SDK1: variants seen among roughly 807,000 people sequenced by gnomAD.
SDK1 encodes sidekick cell adhesion molecule 1, also known as protein sidekick-1.
A neutral mutation model predicts 245.5 loss-of-function variants in SDK1; 157 were observed. That is an observed-to-expected ratio of 0.64 (90% confidence interval 0.56 to 0.73). SDK1 has a LOEUF of 0.73. Among genes scored for constraint, SDK1 ranks in the 30% least tolerant of loss-of-function variants. SDK1 has a pLI of 0.00. For synonymous variants in SDK1, 1,647 were observed against 1,278.5 expected (o/e 1.29, Z -6.15); for missense variants, 3,583 against 3,002.3 (o/e 1.19, Z -4.52).
At chr7:4,214,578 C>T (rs150392529) in intron 38 of SDK1, among the ~76,000 whole-genome samples, 150 of 152,272 alleles carry the variant, frequency 9.9e-4, no homozygotes, top group African/African-American at 3.3e-3. Flanking sequence ...GGCTGAGGGG[C>T]GGCCAGGATC....
intron 1 of SDK1, among the ~76,000 whole-genome samples, chr7:3,366,330 A>G (rs909860155): frequency 6.6e-5 from 10 of 151,108 alleles, no homozygotes; most frequent in South Asian, 2.1e-4. Context: ...GTAGTAGTCT[A>G]TGGTCTCTGG....
intron 13 of SDK1, among the ~76,000 whole-genome samples, chr7:3,975,910 AGGGTCCTCCAGAGAATCACTGAGGGTCC>A (rs1562604471): frequency 1.1e-4 from 17 of 147,966 alleles, no homozygotes; most frequent in African/African-American, 2.0e-4. Context: ...TGCCACGTAG[AGGGTCCTCCAGAGAATCACTGAGGGTCC>A]CGGGGCTGAG....
intron 1 of SDK1, among the ~76,000 whole-genome samples, chr7:3,571,950 C>T (rs923403018): frequency 1.3e-5 from 2 of 152,054 alleles, no homozygotes. Context: ...CCTTCTCTTA[C>T]CTAAGTTACT....
chr7:3,410,564 A>C (rs1341510332), intron 1 of SDK1, among the ~76,000 whole-genome samples: 1 of 147,100 alleles, frequency 6.8e-6, no homozygotes, highest in Admixed American at 6.7e-5. Context: ...CATAAGTGGC[A>C]GGTGAAATGA....
intron 21 of SDK1, among the ~76,000 whole-genome samples, chr7:4,079,147 A>G (rs552244083): frequency 1.3e-5 from 2 of 152,332 alleles, no homozygotes; most frequent in Non-Finnish European, 2.9e-5. Context: ...TCATTCAGCC[A>G]GCATCTGTTA....
chr7:3,676,032 C>G (rs1252652907), intron 4 of SDK1, among the ~76,000 whole-genome samples: 1 of 152,140 alleles, frequency 6.6e-6, no homozygotes, highest in Non-Finnish European at 1.5e-5. Flanking sequence ...GTGGCACTAT[C>G]ACGGCTGACT....
chr7:3,889,272 A>G (rs903128026), intron 5 of SDK1, among the ~76,000 whole-genome samples: 5 of 152,232 alleles, frequency 3.3e-5, no homozygotes, highest in Non-Finnish European at 7.3e-5. Flanking sequence ...AGGCACTCAC[A>G]TTGGTGAAGC....
chr7:3,822,624 C>T (rs1170628722), intron 5 of SDK1, among the ~76,000 whole-genome samples: 1 of 151,944 alleles, frequency 6.6e-6, no homozygotes, highest in Non-Finnish European at 1.5e-5. Context: ...GCAAAATTAG[C>T]AGGCATGGTG....
chr7:3,341,082 G>A (rs1780336784), intron 1 of SDK1, among the ~76,000 whole-genome samples: 1 of 152,094 alleles, frequency 6.6e-6, no homozygotes, highest in Non-Finnish European at 1.5e-5. Flanking sequence ...AAACTCCACA[G>A]TTCAGTATCG....
chr7:3,587,623 A>G (rs913439780), intron 1 of SDK1, among the ~76,000 whole-genome samples: 2 of 152,214 alleles, frequency 1.3e-5, no homozygotes, highest in African/African-American at 4.8e-5. Flanking sequence ...ATCCCTACCT[A>G]CATCGGGGAT....
chr7:4,178,435 GAGA>G (rs1562395213), intron 34 of SDK1, 47 bp from the exon 35 acceptor site: 2 of 1,363,138 alleles, frequency 1.5e-6, no homozygotes, highest in Admixed American at 3.4e-5. Context: ...TTTGGAGAAA[GAGA>G]AGGTGGTCCT....
chr7:3,837,546 G>A (rs577359850), intron 5 of SDK1, among the ~76,000 whole-genome samples: 1 of 152,290 alleles, frequency 6.6e-6, no homozygotes, highest in East Asian at 1.9e-4. Flanking sequence ...TTGCCTCTTC[G>A]TTCTTGAGGT....
intron 35 of SDK1, among the ~76,000 whole-genome samples, chr7:4,198,396 G>T (rs1416004546): frequency 2.6e-5 from 4 of 152,194 alleles, no homozygotes; most frequent in African/African-American, 9.7e-5. Context: ...CTGCCCCAGG[G>T]CTCTTTGCAC....
At chr7:3,556,813 A>T (rs1562560959) in intron 1 of SDK1, among the ~76,000 whole-genome samples, 1 of 152,090 alleles carries the variant, frequency 6.6e-6, no homozygotes, top group Non-Finnish European at 1.5e-5. Flanking sequence ...AATAAAAATA[A>T]AATAACTAGA....
intron 1 of SDK1, among the ~76,000 whole-genome samples, chr7:3,509,144 C>T (rs1248618744): frequency 2.0e-5 from 3 of 151,818 alleles, no homozygotes; most frequent in African/African-American, 7.3e-5. Context: ...GACATCCATC[C>T]ATCTTAAGGT....
intron 1 of SDK1, among the ~76,000 whole-genome samples, chr7:3,337,017 C>T (rs62437703): frequency 0.026 from 4,026 of 152,176 alleles, 82 homozygotes; most frequent in Non-Finnish European, 0.042. Flanking sequence ...GGATACAATT[C>T]ATACCAATTT....
intron 1 of SDK1, among the ~76,000 whole-genome samples, chr7:3,336,682 A>G (rs758811937): frequency 8.6e-5 from 13 of 151,672 alleles, no homozygotes; most frequent in Non-Finnish European, 7.4e-5. Flanking sequence ...ACAAACTGGC[A>G]TGGCTTAGCC....
At chr7:4,058,768 G>C (rs1779357503) in intron 19 of SDK1, among the ~76,000 whole-genome samples, 1 of 152,132 alleles carries the variant, frequency 6.6e-6, no homozygotes, top group Admixed American at 6.5e-5. Context: ...CTTCACAAAT[G>C]AAAGAGAAAT....
intron 40 of SDK1, among the ~76,000 whole-genome samples, chr7:4,229,902 C>G (rs1345620909): frequency 6.6e-6 from 1 of 151,670 alleles, no homozygotes; most frequent in Non-Finnish European, 1.5e-5. Flanking sequence ...TATTGAAAGC[C>G]TGCTGTACTA....
Sources: allele counts gnomAD v4.1 joint callset (sites outside exome capture counted in the v4.1 genomes callset), GRCh38; gene constraint gnomAD v4.1.1; transcripts MANE v1.5; gene names NCBI Gene and HGNC (gene_info 2026-07-23, HGNC 2026-07-21).